Variants in PCDHA10 observed in about 807,000 individuals in gnomAD.
The protein encoded by PCDHA10 is protocadherin alpha 10.
Under a neutral mutation model 61.2 loss-of-function variants are expected in PCDHA10, and 45 were observed. The ratio of observed to expected loss-of-function variants is 0.74; its 90% confidence interval spans 0.58 to 0.94. PCDHA10 has a LOEUF of 0.94. PCDHA10 is among the 40% of genes least tolerant of loss of function. The probability of loss-of-function intolerance (pLI) is 0.00; values close to 1 mark genes in which losing one functional copy is unlikely to be tolerated. For synonymous variants in PCDHA10, 602 were observed against 548.8 expected, an observed-to-expected ratio of 1.10 and a Z score of -1.35; for missense variants, 1,278 against 1,236.2, an observed-to-expected ratio of 1.03 and a Z score of -0.51.
intron 1 of PCDHA10, among the ~76,000 whole-genome samples, chr5:140,909,670 G>C (rs940080549): frequency 6.6e-6 from 1 of 152,142 alleles, no homozygotes; most frequent in African/African-American, 2.4e-5. Flanking sequence ...CACTCTACCA[G>C]TCAGGGAGCC....
intron 1 of PCDHA10, chr5:140,968,434 C>T: frequency 6.8e-6 from 11 of 1,613,948 alleles, no homozygotes; most frequent in Non-Finnish European, 8.5e-6. Flanking sequence ...ACAAGGGGAG[C>T]CCACCACTGA....
At position 140,876,152 on chromosome 5, in the gene PCDHA10, A is replaced by G; in HGVS notation, c.2388+17716A>G. ...AAACCAGAACTAACAGGGTCTGTCC[A>G]GATTCAAATAACCGTCCTGGATGTG... is the stretch of plus-strand genomic sequence containing the variant. On this transcript the variant is annotated intron_variant, in intron 1 of 3. Transcript: ENST00000307360. 1 of 1,613,982 alleles carries G rather than the reference A, an allele frequency of 6.2e-7. No individual in the cohort carries two copies. The highest frequency in any genetic ancestry group is 1.3e-5 in the African/African-American group (1 of 75,068).
intron 1 of PCDHA10, chr5:140,882,370 C>T: frequency 6.2e-7 from 1 of 1,614,220 alleles, no homozygotes; most frequent in Non-Finnish European, 8.5e-7. Context: ...TCCACTACTC[C>T]GTCCCCGAGG....
rs782605707 is a variant in PCDHA10 at position 140,857,540 on chromosome 5, T to G, written c.1492T>G (p.Leu498Val). The G allele has an allele frequency of 1.6e-4, 262 of 1,596,716 alleles. 26 individuals carry two copies. Among genetic ancestry groups the G allele is most frequent in the Non-Finnish European group, 2.1e-4 (250 of 1,167,578 alleles). ...GTCCTACTCTCTGGTGGAGCGGCGG[T>G]TGGGCGAGCGCTCGCTGTCGAGCTA... ...LVSYSLVERR[L>V]GERSLSSYVS... is the part of the protein sequence containing the mutation. The change falls in exon 1 of 4, where the codon TTG becomes GTG. Residue 498 changes from leucine to valine, a missense_variant. Transcript: ENST00000307360.
At chr5:140,966,882 C>T (rs782464160) in intron 1 of PCDHA10, 1 of 1,589,690 alleles carries the variant, frequency 6.3e-7, no homozygotes, top group Admixed American at 1.7e-5. Flanking sequence ...CTACCTGGCC[C>T]TGCGGCCTCC....
intron 1 of PCDHA10, among the ~76,000 whole-genome samples, chr5:140,908,583 T>C (rs1245727862): frequency 1.3e-5 from 2 of 152,088 alleles, no homozygotes; most frequent in Admixed American, 1.3e-4. Context: ...GGAGAGTAGT[T>C]AGCTGCAGAA....
intron 1 of PCDHA10, chr5:140,882,030 T>G (rs1582587950): frequency 3.3e-6 from 2 of 612,804 alleles, no homozygotes; most frequent in East Asian, 5.9e-5. Flanking sequence ...CAATGGAAAA[T>G]ATGAAGACTG....
At chr5:140,927,153 C>T in intron 1 of PCDHA10, 1 of 1,614,190 alleles carries the variant, frequency 6.2e-7, no homozygotes, top group Non-Finnish European at 8.5e-7. Context: ...AACAGCTGTG[C>T]AGGGCCAAAG....
intron 1 of PCDHA10, chr5:140,926,951 G>A: frequency 3.8e-6 from 6 of 1,596,266 alleles, no homozygotes; most frequent in South Asian, 1.1e-5. Context: ...GCTGCAGCGG[G>A]ACAGCTCGAG....
At chr5:140,911,716 T>A (rs2075609522) in intron 1 of PCDHA10, among the ~76,000 whole-genome samples, 1 of 151,644 alleles carries the variant, frequency 6.6e-6, no homozygotes, top group Non-Finnish European at 1.5e-5. Context: ...TTTGTGTAAC[T>A]CTGTAAACAG....
intron 1 of PCDHA10, chr5:140,877,603 C>G: frequency 6.2e-7 from 1 of 1,613,858 alleles, no homozygotes; most frequent in Non-Finnish European, 8.5e-7. Flanking sequence ...GTCCAGCCTG[C>G]TGGTGCTCAC....
chr5:140,902,180 A>G (rs991898675), intron 1 of PCDHA10, among the ~76,000 whole-genome samples: 2 of 140,608 alleles, frequency 1.4e-5, no homozygotes, highest in East Asian at 4.1e-4. Context: ...GATGTCCTTT[A>G]TGTCTTCTCT....
In PCDHA10 at chr5:141,010,220, C is replaced by T. The variant is rs114341618; in HGVS notation, c.*283C>T. ...CTCCTCCGCCGCAAAGGAGAGGCTT[C>T]CCAGCCCCGCCAGTGAGAGGTTGGA... On this transcript the variant is annotated 3_prime_UTR_variant, in exon 4 of 4. Coordinates refer to ENST00000307360, the MANE Select transcript of PCDHA10 (RefSeq NM_018901.4). 2,711 of 1,551,728 alleles carry T rather than the reference C, an allele frequency of 1.7e-3. 46 individuals are homozygous for T. The African/African-American group carries it at 0.034, about 19-fold the overall frequency.
intron 1 of PCDHA10, among the ~76,000 whole-genome samples, chr5:140,957,165 A>G (rs2095338056): frequency 6.6e-6 from 1 of 152,190 alleles, no homozygotes; most frequent in Non-Finnish European, 1.5e-5. Context: ...AAATCTAAGT[A>G]TATAAATTGG....
chr5:141,009,654 C>T lies in PCDHA10; in HGVS notation c.2564C>T (p.Pro855Leu). 4 of 1,614,012 alleles carry T rather than the reference C, an allele frequency of 2.5e-6. No individual in the cohort carries two copies. The highest frequency in any genetic ancestry group is 3.4e-6 in the Non-Finnish European group (4 of 1,179,962). The change falls in exon 4 of 4, where the codon CCA becomes CTA. Residue 855 changes from proline to leucine, a missense_variant. Pro to Leu is a moderately conservative substitution (Grantham distance 98, BLOSUM62 -3). Coordinates refer to ENST00000307360, the MANE Select transcript of PCDHA10 (RefSeq NM_018901.4). ...CCAGAGGCAGGAGAAGTGTCCCCTC[C>T]AGTCGGTGCGGGTGTCAACAGCAAC... ...PEPEAGEVSP[P>L]VGAGVNSNSW...
At chr5:140,967,783 C>T (rs1554229939) in intron 1 of PCDHA10, 1 of 1,614,186 alleles carries the variant, frequency 6.2e-7, no homozygotes, top group Admixed American at 1.7e-5. Flanking sequence ...AGGCGACTGA[C>T]CGGGGTCCAG....
chr5:140,874,534 CA>C (rs782798422), intron 1 of PCDHA10, among the ~76,000 whole-genome samples: 5 of 152,202 alleles, frequency 3.3e-5, no homozygotes, highest in Non-Finnish European at 5.9e-5. Flanking sequence ...GATTAGGCTC[CA>C]AAACCCTTTA....
At chr5:140,884,166 C>G (rs1554181300) in intron 1 of PCDHA10, 2 of 1,613,430 alleles carry the variant, frequency 1.2e-6, no homozygotes, top group Non-Finnish European at 8.5e-7. Flanking sequence ...GAGATCAGCA[C>G]GACGCGCCCT....
intron 1 of PCDHA10, among the ~76,000 whole-genome samples, chr5:140,908,828 A>C (rs1490004627): frequency 6.6e-6 from 1 of 152,176 alleles, no homozygotes; most frequent in Non-Finnish European, 1.5e-5. Context: ...GTTACTCGAT[A>C]AATGGGCTGG....
Sources: gnomAD v4.1 joint callset for allele counts (sites outside exome capture counted in the v4.1 genomes callset) on GRCh38, gnomAD v4.1.1 for gene constraint, MANE v1.5 for transcripts, NCBI Gene and HGNC (gene_info 2026-07-23, HGNC 2026-07-21) for gene names.